Variants in ATP9B observed in about 807,000 individuals in gnomAD.
The protein encoded by ATP9B is ATPase phospholipid transporting 9B, also known as probable phospholipid-transporting ATPase IIB.
In ATP9B, 110 loss-of-function variants were observed where a neutral mutation model predicts 146.1. That is an observed-to-expected ratio of 0.75 (90% CI 0.65 to 0.88). The LOEUF (loss-of-function observed/expected upper bound fraction) is 0.88, where lower values mean the gene tolerates loss of function less well. Among genes scored for constraint, ATP9B ranks in the 40% least tolerant of loss-of-function variants. The pLI, the probability that ATP9B is intolerant of heterozygous loss-of-function variation, is 0.00. For missense variants in ATP9B, 1,499 were observed against 1,496.4 expected, an observed-to-expected ratio of 1.00 and a Z score of -0.03; for synonymous variants, 604 against 569.7, an observed-to-expected ratio of 1.06 and a Z score of -0.86.
intron 25 of ATP9B, among the ~76,000 whole-genome samples, chr18:79,352,074 C>T (rs1294171944): frequency 6.6e-6 from 1 of 152,172 alleles, no homozygotes; most frequent in African/African-American, 2.4e-5. Flanking sequence ...ACTCATGTTC[C>T]ACGAAAATGC....
chr18:79,342,607 ATT>A (rs2096865548), intron 20 of ATP9B, among the ~76,000 whole-genome samples: 9 of 133,642 alleles, frequency 6.7e-5, no homozygotes, highest in East Asian at 3.9e-4. Flanking sequence ...TAAATAAATA[ATT>A]AATTAATTAA....
intron 12 of ATP9B, among the ~76,000 whole-genome samples, chr18:79,273,217 ATC>A (rs1568548405): frequency 6.6e-6 from 1 of 152,212 alleles, no homozygotes; most frequent in African/African-American, 2.4e-5. Flanking sequence ...AATCTAAGAT[ATC>A]TCATAGGAAA....
At chr18:79,312,488 A>G (rs1204340843) in intron 15 of ATP9B, among the ~76,000 whole-genome samples, 1 of 152,060 alleles carries the variant, frequency 6.6e-6, no homozygotes, top group African/African-American at 2.4e-5. Flanking sequence ...CCAGCTGCCC[A>G]TTGGCACGCG....
intron 15 of ATP9B, among the ~76,000 whole-genome samples, chr18:79,315,308 T>A (rs1324613958): frequency 6.6e-6 from 1 of 152,192 alleles, no homozygotes; most frequent in Non-Finnish European, 1.5e-5. Flanking sequence ...TCAGATATAT[T>A]TGTGAGGAGC....
chr18:79,269,508 A>G (rs1435706490), intron 12 of ATP9B, among the ~76,000 whole-genome samples: 16 of 152,044 alleles, frequency 1.1e-4, no homozygotes, highest in African/African-American at 7.2e-5. Flanking sequence ...AAAAATTTTT[A>G]TGTATCCGTT....
chr18:79,253,580 C>T, intron 12 of ATP9B, 39 bp downstream of exon 12: 3 of 1,526,552 alleles, frequency 2.0e-6, no homozygotes, highest in Non-Finnish European at 2.6e-6. Flanking sequence ...TGTCTGGTTT[C>T]ATTGAGTATG....
chr18:79,200,814 T>A (rs2095479189), intron 9 of ATP9B, among the ~76,000 whole-genome samples: 1 of 334 alleles, frequency 3.0e-3, no homozygotes, highest in South Asian at 0.1. Flanking sequence ...AGAATAGACT[T>A]GGGTGGGGCC....
intron 10 of ATP9B, 71 bp downstream of exon 10, chr18:79,207,083 C>A: frequency 7.0e-7 from 1 of 1,435,802 alleles, no homozygotes; most frequent in Non-Finnish European, 9.8e-7. Flanking sequence ...CCAGGGACTC[C>A]AAACAAGGGT....
intron 12 of ATP9B, chr18:79,254,171 C>T (rs1039078994): frequency 6.6e-6 from 1 of 152,272 alleles, no homozygotes; most frequent in Non-Finnish European, 1.5e-5. Context: ...GAATGAGCAA[C>T]TGAAACCTAA....
intron 9 of ATP9B, among the ~76,000 whole-genome samples, chr18:79,197,590 G>A (rs529837208): frequency 3.9e-5 from 6 of 152,180 alleles, no homozygotes; most frequent in Admixed American, 2.6e-4. Context: ...AGAGTAAACT[G>A]TGATAAGTAA....
Position 79,150,233 on chromosome 18 carries a change from G to A in ATP9B, c.727-4271G>A, listed in dbSNP as rs371541805. 1.6e-4 allele frequency among the ~76,000 whole-genome samples: 24 copies of A among 152,232 alleles called. No individual in the cohort carries two copies. In the South Asian group the frequency reaches 4.8e-3, roughly 30 times the overall value. On this transcript the variant is annotated intron_variant, in intron 6 of 29. Coordinates refer to ENST00000426216, the MANE Select transcript of ATP9B (RefSeq NM_198531.5). ...GACAATACCAAATATTGGAAACAAT[G>A]TGAAGAAGCGGATCACTTGTATATT...
chr18:79,349,620 A>G lies in ATP9B; in HGVS notation c.2903+1424A>G, dbSNP rs1257160953. ...GAGTTCCTCACAATTTTAGCAAAAT[A>G]CAGGGAAATATCAGTCTGTGCGTGT... On this transcript the variant is annotated intron_variant, in intron 25 of 29. Transcript: ENST00000426216. Among the ~76,000 whole-genome samples the G allele has an allele frequency of 7.2e-5, 11 of 152,364 alleles. No homozygotes were observed. The South Asian group carries it at 2.3e-3, about 32-fold the overall frequency.
At chr18:79,204,278 A>G (rs1293033944) in intron 9 of ATP9B, among the ~76,000 whole-genome samples, 1 of 152,220 alleles carries the variant, frequency 6.6e-6, no homozygotes, top group Non-Finnish European at 1.5e-5. Context: ...TGTGTTAGCT[A>G]CTGTGCAGGA....
At chr18:79,200,900 G>C (rs1056640123) in intron 9 of ATP9B, among the ~76,000 whole-genome samples, 2 of 152,192 alleles carry the variant, frequency 1.3e-5, no homozygotes, top group African/African-American at 2.4e-5. Flanking sequence ...TTTAGGAGCT[G>C]GTGCTGGCTG....
chr18:79,336,573 C>G (rs2096828254), intron 17 of ATP9B, 55 bp from the exon 18 acceptor site: 1 of 1,540,518 alleles, frequency 6.5e-7, no homozygotes, highest in Non-Finnish European at 8.9e-7. Flanking sequence ...TGGCCCCACA[C>G]ACGGCCACAG....
chr18:79,112,889 A>C (rs182145102), intron 3 of ATP9B, among the ~76,000 whole-genome samples: 1 of 152,158 alleles, frequency 6.6e-6, no homozygotes, highest in East Asian at 1.9e-4. Flanking sequence ...AGGTTTTGCT[A>C]TCTAACTTTT....
chr18:79,344,100 G>A (rs773426613), intron 20 of ATP9B, 165 bp from the exon 21 acceptor site: 7 of 660,914 alleles, frequency 1.1e-5, no homozygotes, highest in Non-Finnish European at 1.9e-5. Flanking sequence ...CACTGCTGGA[G>A]GAATTGGAAA....
At chr18:79,334,651 C>T (rs2096811275) in intron 17 of ATP9B, among the ~76,000 whole-genome samples, 1 of 152,152 alleles carries the variant, frequency 6.6e-6, no homozygotes, top group Admixed American at 6.5e-5. Context: ...CCCTCCACCC[C>T]TGCCTCTTGT....
chr18:79,107,648 A>C (rs1331685999), intron 2 of ATP9B, among the ~76,000 whole-genome samples: 2 of 152,224 alleles, frequency 1.3e-5, no homozygotes, highest in East Asian at 3.8e-4. Context: ...ATTGTCTCCA[A>C]AACATGACTT....
Sources: allele counts gnomAD v4.1 joint callset (sites outside exome capture counted in the v4.1 genomes callset), GRCh38; gene constraint gnomAD v4.1.1; transcripts MANE v1.5; gene names NCBI Gene and HGNC (gene_info 2026-07-23, HGNC 2026-07-21).